GKAP1: variants seen among roughly 807,000 people sequenced by gnomAD.
The protein encoded by GKAP1 is G kinase-anchoring protein 1.
GKAP1 carries 31 observed loss-of-function variants against 56.7 expected under a neutral mutation model. That is an observed-to-expected ratio of 0.55 (90% confidence interval 0.41 to 0.74). The LOEUF is 0.74. Among genes scored for constraint, GKAP1 ranks in the 30% least tolerant of loss-of-function variants. The probability of loss-of-function intolerance (pLI) is 0.00; values close to 1 mark genes in which losing one functional copy is unlikely to be tolerated. For missense variants in GKAP1, 364 were observed against 402.3 expected (o/e 0.90, Z 0.82); for synonymous variants, 151 against 138.6 (o/e 1.09, Z -0.63).
chr9:83,797,711 C>T (rs543275423), intron 4 of GKAP1, among the ~76,000 whole-genome samples: 1 of 152,298 alleles, frequency 6.6e-6, no homozygotes, highest in African/African-American at 2.4e-5. Context: ...ATTTCAGCAG[C>T]AATCAGTGGG....
chr9:83,742,510 T>C lies in GKAP1; in HGVS notation c.975+20A>G. The C allele has an allele frequency of 1.9e-6, 3 of 1,554,202 alleles. No homozygotes were observed. The highest frequency in any genetic ancestry group is 2.7e-6 in the Non-Finnish European group (3 of 1,131,930). ...AGACAGCTTAAGAAAACCAGTCATG[T>C]ATGCTCCACAGTTCCTTACCTGAAT... On this transcript the variant is annotated intron_variant, in intron 11 of 12. Transcript: ENST00000376371.
intron 9 of GKAP1, among the ~76,000 whole-genome samples, chr9:83,749,593 A>G (rs1436802089): frequency 6.6e-6 from 1 of 152,226 alleles, no homozygotes; most frequent in Non-Finnish European, 1.5e-5. Flanking sequence ...AACACAGTAT[A>G]GAAAAACAAA....
chr9:83,773,228 G>A (rs148970174), intron 7 of GKAP1, among the ~76,000 whole-genome samples: 96 of 152,130 alleles, frequency 6.3e-4, no homozygotes, highest in Non-Finnish European at 1.3e-3. Flanking sequence ...GCTACAACAC[G>A]GATATACCTC....
chr9:83,812,108 G>A (rs1250417110), intron 2 of GKAP1, among the ~76,000 whole-genome samples: 2 of 151,446 alleles, frequency 1.3e-5, no homozygotes, highest in African/African-American at 4.8e-5. Flanking sequence ...AGAAATGCAT[G>A]GGATTACTCA....
chr9:83,771,768 A>T lies in GKAP1; in HGVS notation c.586-2798T>A, dbSNP rs1253070736. 3.9e-5 allele frequency among the ~76,000 whole-genome samples: 6 copies of T among 152,366 alleles called. No individual in the cohort carries two copies. The East Asian group carries it at 9.6e-4, about 24-fold the overall frequency. Reference sequence around the variant, plus strand: ...TCTTGTAAGATTTTATTTTACAGCAATAAATACAGAAATGCTAAAAACCAC... The same window carrying T: ...TCTTGTAAGATTTTATTTTACAGCATTAAATACAGAAATGCTAAAAACCAC... On this transcript the variant is annotated intron_variant, in intron 7 of 12. Coordinates refer to ENST00000376371, the MANE Select transcript of GKAP1 (RefSeq NM_025211.4).
At chr9:83,774,694 G>GA (rs199950709) in intron 7 of GKAP1, among the ~76,000 whole-genome samples, 24,694 of 104,126 alleles carry the variant, frequency 0.24, 6,642 homozygotes, top group East Asian at 0.35. Flanking sequence ...TCAATAAACA[G>GA]AAACCCCCTT....
At chr9:83,788,754 T>C (rs1448739001) in intron 4 of GKAP1, 76 bp from the exon 5 acceptor site, 2 of 785,262 alleles carry the variant, frequency 2.5e-6, no homozygotes, top group Non-Finnish European at 4.1e-6. Context: ...CATATTACTA[T>C]ATACAGAGGA....
intron 9 of GKAP1, among the ~76,000 whole-genome samples, chr9:83,749,804 T>C (rs1943357003): frequency 6.6e-6 from 1 of 152,148 alleles, no homozygotes; most frequent in Admixed American, 6.5e-5. Flanking sequence ...TGAGTAATAC[T>C]GCAGTGAATA....
chr9:83,786,434 G>A (rs554449215), intron 5 of GKAP1, among the ~76,000 whole-genome samples: 9 of 152,060 alleles, frequency 5.9e-5, no homozygotes, highest in Admixed American at 2.6e-4. Flanking sequence ...CCAGCTACTC[G>A]GGAGGCTGAG....
intron 8 of GKAP1, among the ~76,000 whole-genome samples, chr9:83,760,891 A>C (rs1171004661): frequency 6.6e-6 from 1 of 152,054 alleles, no homozygotes; most frequent in Non-Finnish European, 1.5e-5. Flanking sequence ...AGTTATAGCT[A>C]TAAGTGCCTA....
chr9:83,802,917 G>A (rs1944355545), intron 3 of GKAP1, among the ~76,000 whole-genome samples: 1 of 151,826 alleles, frequency 6.6e-6, no homozygotes, highest in Admixed American at 6.6e-5. Flanking sequence ...TGGATCACTT[G>A]AGCAACATGA....
chr9:83,767,412 T>A (rs917434955), intron 8 of GKAP1, among the ~76,000 whole-genome samples: 1 of 151,570 alleles, frequency 6.6e-6, no homozygotes, highest in Admixed American at 6.6e-5. Flanking sequence ...CAGGCTAGAG[T>A]GCAGTGGTGT....
rs750794090 is a variant in GKAP1 at position 83,799,353 on chromosome 9, T to C, written c.217-25A>G. On this transcript the variant is annotated intron_variant, in intron 3 of 12. Transcript: ENST00000376371. Reference sequence around the variant, plus strand: ...GCTATAAAACAAACAAAAAATATATTAAATTCAGTTTACCAATCCTGGGAT... The same window carrying C: ...GCTATAAAACAAACAAAAAATATATCAAATTCAGTTTACCAATCCTGGGAT... 3.4e-5 allele frequency: 51 copies of C among 1,509,722 alleles called. No individual in the cohort carries two copies. In the Admixed American group the frequency reaches 1.2e-3, roughly 34 times the overall value. The allele number at this position is 1,509,722 out of a possible 1,614,324, so 93.5% of individuals were successfully genotyped here. A position where few individuals can be genotyped will look rare whatever the true frequency, so the allele number is the denominator to read the frequency against.
At chr9:83,814,752 T>C (rs1944559094) in intron 2 of GKAP1, among the ~76,000 whole-genome samples, 2 of 152,256 alleles carry the variant, frequency 1.3e-5, no homozygotes, top group South Asian at 4.1e-4. Context: ...CAATCCTCAA[T>C]TCCCATAACG....
chr9:83,782,515 C>T lies in GKAP1; in HGVS notation c.563-2111G>A, dbSNP rs369131039. The stretch of plus-strand genomic sequence containing the variant: ...CTGGGATTACAGGAATGCACCACTA[C>T]GCCCAGCTAATTTTTTGTATTTAGT... On this transcript the variant is annotated intron_variant, in intron 6 of 12. Coordinates refer to ENST00000376371, the MANE Select transcript of GKAP1 (RefSeq NM_025211.4). 9.9e-5 allele frequency among the ~76,000 whole-genome samples: 15 copies of T among 151,718 alleles called. No individual in the cohort carries two copies. The South Asian group carries it at 1.2e-3, about 13-fold the overall frequency.
chr9:83,800,331 GTTTTTTTTTTGT>G (rs1437499464), intron 3 of GKAP1, among the ~76,000 whole-genome samples: 20 of 95,592 alleles, frequency 2.1e-4, no homozygotes, highest in African/African-American at 7.0e-4. Context: ...GCCTCCTTAC[GTTTTTTTTTTGT>G]TTTTTTTTTT....
chr9:83,780,294 T>A, intron 7 of GKAP1, 88 bp downstream of exon 7: 1 of 765,384 alleles, frequency 1.3e-6, no homozygotes, highest in Non-Finnish European at 2.2e-6. Flanking sequence ...TAAATGATTA[T>A]GTCTCAAAAA....
intron 6 of GKAP1, among the ~76,000 whole-genome samples, chr9:83,782,143 C>A (rs1051832257): frequency 1.3e-5 from 2 of 151,490 alleles, no homozygotes; most frequent in Non-Finnish European, 2.9e-5. Context: ...TGCCCAGCCA[C>A]TTCTTTCTTT....
chr9:83,764,744 T>C (rs1943632523), intron 8 of GKAP1, among the ~76,000 whole-genome samples: 1 of 152,210 alleles, frequency 6.6e-6, no homozygotes, highest in Admixed American at 6.5e-5. Context: ...ATTCTTGCTA[T>C]GCTTTAGCAA....
Sources: gnomAD v4.1 joint callset for allele counts (sites outside exome capture counted in the v4.1 genomes callset) on GRCh38, gnomAD v4.1.1 for gene constraint, MANE v1.5 for transcripts, NCBI Gene and HGNC (gene_info 2026-07-23, HGNC 2026-07-21) for gene names.